The following MYO9A variants were observed in gnomAD, a reference collection of about 807,000 sequenced individuals.
The protein encoded by MYO9A is unconventional myosin-IXa.
Under a neutral mutation model 293.3 loss-of-function variants are expected in MYO9A, and 103 were observed. The ratio of observed to expected loss-of-function variants is 0.35; its 90% CI spans 0.30 to 0.41. MYO9A has a LOEUF of 0.41. Among genes scored for constraint, MYO9A ranks in the 10% least tolerant of loss-of-function variants. The probability of loss-of-function intolerance (pLI) is 1.00; values close to 1 mark genes in which losing one functional copy is unlikely to be tolerated. For synonymous variants in MYO9A, 1,001 were observed against 1,035.7 expected (o/e 0.97, Z 0.64); for missense variants, 2,685 against 3,033.0 (o/e 0.89, Z 2.69).
intron 34 of MYO9A, among the ~76,000 whole-genome samples, chr15:71,856,562 C>A (rs547282537): frequency 1.4e-4 from 21 of 152,162 alleles, no homozygotes; most frequent in Non-Finnish European, 2.9e-4. Context: ...GTAGGCAGAG[C>A]AAAGTGGCTA....
intron 12 of MYO9A, among the ~76,000 whole-genome samples, chr15:71,975,172 T>A (rs1265526258): frequency 6.6e-6 from 1 of 152,214 alleles, no homozygotes; most frequent in Non-Finnish European, 1.5e-5. Flanking sequence ...AACATGATAA[T>A]GAACTGGACT....
intron 15 of MYO9A, among the ~76,000 whole-genome samples, chr15:71,941,692 T>C (rs980309670): frequency 6.6e-6 from 1 of 152,034 alleles, no homozygotes; most frequent in African/African-American, 2.4e-5. Flanking sequence ...AGAAAATTAA[T>C]ATAAATCATA....
intron 4 of MYO9A, among the ~76,000 whole-genome samples, chr15:72,023,978 T>C (rs1363576842): frequency 1.5e-5 from 2 of 133,566 alleles, no homozygotes; most frequent in Non-Finnish European, 1.7e-5. Flanking sequence ...TAACATAAGA[T>C]TAACAGCTGA....
rs555368516 is a variant in MYO9A, at chr15:71,857,415, G to A, written c.6153+2320C>T. On this transcript the variant is annotated intron_variant, in intron 34 of 41. Coordinates refer to ENST00000356056, the MANE Select transcript of MYO9A (RefSeq NM_006901.4). ...ACACATTGCAAGTTACAGCTTAATG[G>A]ATTTTCACAAAGACCCAGATTAAGA... Among the ~76,000 whole-genome samples the A allele has an allele frequency of 5.9e-5, 9 of 152,196 alleles. No homozygotes were observed. In the South Asian group the frequency reaches 1.9e-3, roughly 32 times the overall value.
intron 2 of MYO9A, among the ~76,000 whole-genome samples, chr15:72,042,156 T>C (rs1194582226): frequency 3.4e-5 from 5 of 149,234 alleles, no homozygotes; most frequent in Non-Finnish European, 7.4e-5. Context: ...GAAAACAATG[T>C]TAGGCATGAT....
At chr15:72,073,895 T>C (rs2079267304) in intron 1 of MYO9A, among the ~76,000 whole-genome samples, 1 of 152,242 alleles carries the variant, frequency 6.6e-6, no homozygotes, top group Non-Finnish European at 1.5e-5. Flanking sequence ...ACTTCAAATA[T>C]TATTCATTGG....
intron 39 of MYO9A, among the ~76,000 whole-genome samples, chr15:71,844,651 T>TTC (rs1209871272): frequency 1.3e-5 from 2 of 152,184 alleles, no homozygotes; most frequent in African/African-American, 4.8e-5. Context: ...ATAAGGCCTA[T>TTC]GAGGAGAGCT....
chr15:71,956,330 A>AAAAAAAAATGTATATATATATATAT (rs10642655), intron 14 of MYO9A, among the ~76,000 whole-genome samples: 1 of 75,584 alleles, frequency 1.3e-5, no homozygotes, highest in African/African-American at 6.0e-5. Context: ...AAAAAAAAAA[A>AAAAAAAAATGTATATATATATATAT]ATATATATAT....
At chr15:71,994,652 T>C (rs746926415) in intron 9 of MYO9A, 67 bp from the exon 10 acceptor site, 18 of 836,266 alleles carry the variant, frequency 2.2e-5, no homozygotes, top group Non-Finnish European at 3.3e-5. Flanking sequence ...GACAAAGTTG[T>C]TTGCTCCCAT....
At position 71,902,929 on chromosome 15, in the gene MYO9A, G is replaced by T; in HGVS notation, c.3000+12C>A. 1 of 1,560,590 alleles carries T rather than the reference G, an allele frequency of 6.4e-7. No individual in the cohort carries two copies. Among genetic ancestry groups the T allele is most frequent in the Non-Finnish European group, 8.8e-7 (1 of 1,141,478 alleles). On this transcript the variant is annotated intron_variant, in intron 22 of 41. Coordinates refer to ENST00000356056, the MANE Select transcript of MYO9A (RefSeq NM_006901.4). ...ACTCAATTTTGACCAGAGCTATACA[G>T]ATTATATTTACCATGGTTTTTCCAA...
chr15:71,967,227 T>G (rs922264365), intron 13 of MYO9A, among the ~76,000 whole-genome samples: 2 of 152,202 alleles, frequency 1.3e-5, no homozygotes, highest in Non-Finnish European at 2.9e-5. Flanking sequence ...CACACACATA[T>G]ATATATGCAC....
chr15:71,873,659 C>A (rs552228231), intron 32 of MYO9A, among the ~76,000 whole-genome samples: 18 of 152,136 alleles, frequency 1.2e-4, no homozygotes, highest in Middle Eastern at 3.2e-3. Flanking sequence ...ATCACTGTTA[C>A]TTCACTTTAA....
intron 19 of MYO9A, 54 bp from the exon 20 acceptor site, chr15:71,905,060 AATAATTT>A (rs1460805188): frequency 4.2e-5 from 60 of 1,422,306 alleles, no homozygotes; most frequent in Non-Finnish European, 5.8e-5. Flanking sequence ...ACTATTAACA[AATAATTT>A]ATAACTATAA....
chr15:72,008,012 T>G (rs954849796), intron 7 of MYO9A, 60 bp from the exon 8 acceptor site: 12 of 1,541,402 alleles, frequency 7.8e-6, no homozygotes, highest in Non-Finnish European at 3.5e-6. Flanking sequence ...CTCATTTCAT[T>G]CTAAAATTCT....
chr15:71,856,477 T>C (rs1480030728), intron 34 of MYO9A, among the ~76,000 whole-genome samples: 2 of 151,858 alleles, frequency 1.3e-5, no homozygotes, highest in East Asian at 3.8e-4. Flanking sequence ...TGTTCAACCT[T>C]AGTGTTGGAA....
At chr15:71,853,157 G>A (rs530838722) in intron 35 of MYO9A, among the ~76,000 whole-genome samples, 6 of 152,188 alleles carry the variant, frequency 3.9e-5, no homozygotes, top group African/African-American at 9.6e-5. Context: ...TGCTATAAAC[G>A]TCTCTACATG....
At chr15:71,975,950 C>T (rs8023558) in intron 12 of MYO9A, among the ~76,000 whole-genome samples, 2,427 of 152,276 alleles carry the variant, frequency 0.016, 74 homozygotes, top group African/African-American at 0.056. Flanking sequence ...TGTGCTCCTT[C>T]CCCCACACCT....
intron 12 of MYO9A, among the ~76,000 whole-genome samples, chr15:71,974,636 T>G (rs530301192): frequency 1.2e-4 from 19 of 152,378 alleles, no homozygotes; most frequent in African/African-American, 4.6e-4. Context: ...AACTACATTT[T>G]TAAACCTTAA....
intron 15 of MYO9A, among the ~76,000 whole-genome samples, chr15:71,949,429 T>G (rs370584004): frequency 1.1e-4 from 17 of 151,776 alleles, no homozygotes; most frequent in African/African-American, 2.9e-4. Flanking sequence ...TTGTTTTTTT[T>G]TTTTTTAACC....
Sources: allele counts gnomAD v4.1 joint callset (sites outside exome capture counted in the v4.1 genomes callset), GRCh38; gene constraint gnomAD v4.1.1; transcripts MANE v1.5; gene names NCBI Gene and HGNC (gene_info 2026-07-23, HGNC 2026-07-21).